Variants in NAA16 observed in about 807,000 individuals in gnomAD.
NAA16 encodes N-alpha-acetyltransferase 16, NatA auxiliary subunit.
In NAA16, 97 loss-of-function variants were observed where a neutral mutation model predicts 110.3. That is an observed-to-expected ratio of 0.88 (90% confidence interval 0.75 to 1.04). NAA16 has a LOEUF of 1.04. Ranked by LOEUF, NAA16 falls within the 50% of genes least tolerant of loss-of-function variation. The pLI, the probability that NAA16 is intolerant of heterozygous loss-of-function variation, is 0.00. For synonymous variants in NAA16, 372 were observed against 330.6 expected (o/e 1.13, Z -1.36); for missense variants, 1,017 against 1,005.1 (o/e 1.01, Z -0.16).
chr13:41,350,957 G>C (rs1392052844), intron 9 of NAA16, among the ~76,000 whole-genome samples: 1 of 152,068 alleles, frequency 6.6e-6, no homozygotes, highest in Admixed American at 6.6e-5. Context: ...TCTAAGAAGA[G>C]GTGTACATTG....
rs1443914257 is a variant in NAA16, at chr13:41,325,775, G to A, written c.615G>A (p.Leu205=). ...ATCAAGTGATGAGAGAGGCAGATCT[G>A]TTGCAGGAATCTTTGGAACATATAG... The part of the protein sequence containing the change: ...YQNQVMREAD[L]LQESLEHIEM... The change falls in exon 6 of 20, where the codon CTG becomes CTA. Residue 205 remains leucine, a synonymous_variant. Transcript: ENST00000379406. 6.2e-7 allele frequency: 1 copy of A among 1,606,364 alleles called. No homozygotes were observed. The highest frequency in any genetic ancestry group is 1.7e-5 in the Admixed American group (1 of 59,874).
chr13:41,324,664 G>A (rs6560976), intron 5 of NAA16, among the ~76,000 whole-genome samples: 11,189 of 151,094 alleles, frequency 0.074, 1,369 homozygotes, highest in African/African-American at 0.26. Context: ...GTGAGCCACC[G>A]TGCCCGGCCA....
rs1412274139 is a variant in NAA16, at chr13:41,347,209, C to T, written c.1015-7935C>T. Among the ~76,000 whole-genome samples the T allele has an allele frequency of 1.3e-4, 13 of 97,538 alleles. No individual in the cohort carries two copies. In the South Asian group the frequency reaches 3.3e-3, roughly 25 times the overall value. 64.0% of individuals were successfully genotyped at this position (97,538 alleles called of 152,430 possible). ...CCAGCGTGGCGACAGAGCGAGACTC[C>T]GTCTCAAAAAAAAAAAAACAAAAAC... On this transcript the variant is annotated intron_variant, in intron 9 of 19. Transcript: ENST00000379406.
At chr13:41,349,767 C>T (rs374454933) in intron 9 of NAA16, among the ~76,000 whole-genome samples, 1 of 151,772 alleles carries the variant, frequency 6.6e-6, no homozygotes, top group Non-Finnish European at 1.5e-5. Context: ...GAGTTCATGA[C>T]CAGCCTGACC....
In NAA16 at chr13:41,356,284, C is replaced by G. The variant is rs188239904; in HGVS notation, c.1087+1068C>G. Among the ~76,000 whole-genome samples, 4 of 152,304 alleles carry G rather than the reference C, an allele frequency of 2.6e-5. No individual in the cohort carries two copies. In the East Asian group the frequency reaches 7.7e-4, roughly 29 times the overall value. On this transcript the variant is annotated intron_variant, in intron 10 of 19. Transcript: ENST00000379406. ...TCTAGCAATCTGCCTGTCTCAGCCT[C>G]CGAAAGTGCTGGGATTACAGGTGTG...
At chr13:41,340,957 G>A (rs983275974) in intron 9 of NAA16, among the ~76,000 whole-genome samples, 3 of 152,126 alleles carry the variant, frequency 2.0e-5, no homozygotes, top group Admixed American at 6.5e-5. Context: ...GTGAGCCACC[G>A]CGCCCAGCTT....
At position 41,369,290 on chromosome 13, in the gene NAA16, TG is replaced by T. The variant is rs1236674607; in HGVS notation, c.1947+10del. 2.6e-6 allele frequency: 4 copies of T among 1,551,202 alleles called. No individual in the cohort carries two copies. The African/African-American group carries it at 4.2e-5, about 16-fold the overall frequency. On this transcript the variant is annotated splice_region_variant and intron_variant, in intron 15 of 19. Transcript: ENST00000379406. ...ACCTGAAAAATTAGAAAGGGTGAGA[TG>T]GGTTTTACTATCTTTGTTATTTGGT...
rs773170771 is a variant in NAA16 at position 41,311,481 on chromosome 13, C to T, written c.-48C>T. ...GCCCACCCCCGCGAAGCGGAGCGCCCGGGCACCTAGCCTCCCTGCCGGCCA... is the reference window on the plus strand; with the variant it reads ...GCCCACCCCCGCGAAGCGGAGCGCCTGGGCACCTAGCCTCCCTGCCGGCCA... On this transcript the variant is annotated 5_prime_UTR_variant, in exon 1 of 20. Transcript: ENST00000379406. 7 of 1,555,266 alleles carry T rather than the reference C, an allele frequency of 4.5e-6. No homozygotes were observed. Among genetic ancestry groups the T allele is most frequent in the South Asian group, 1.2e-5 (1 of 85,012 alleles).
chr13:41,326,234 A>G (rs1479530109), intron 6 of NAA16, among the ~76,000 whole-genome samples: 1 of 152,202 alleles, frequency 6.6e-6, no homozygotes, highest in Non-Finnish European at 1.5e-5. Context: ...TGGGATCATC[A>G]TGAACACAAA....
At chr13:41,368,372 C>G (rs1446229159) in intron 14 of NAA16, among the ~76,000 whole-genome samples, 1 of 152,118 alleles carries the variant, frequency 6.6e-6, no homozygotes, top group Admixed American at 6.6e-5. Context: ...TGTATTATCT[C>G]ACTTATTCTT....
At chr13:41,330,047 C>T (rs2042194640) in intron 7 of NAA16, among the ~76,000 whole-genome samples, 1 of 150,830 alleles carries the variant, frequency 6.6e-6, no homozygotes, top group Admixed American at 6.6e-5. Flanking sequence ...TCATACTTGG[C>T]GCTTGTTGTT....
intron 11 of NAA16, 112 bp from the exon 12 acceptor site, chr13:41,358,698 T>C: frequency 6.9e-7 from 1 of 1,449,298 alleles, no homozygotes; most frequent in Non-Finnish European, 9.1e-7. Context: ...TCTAAATAAA[T>C]TTGACAGAAA....
At chr13:41,368,996 C>G in intron 14 of NAA16, 94 bp from the exon 15 acceptor site, 2 of 1,101,304 alleles carry the variant, frequency 1.8e-6, no homozygotes, top group Non-Finnish European at 2.6e-6. Context: ...CCCACTGATA[C>G]CAAGGGACAA....
intron 11 of NAA16, 89 bp from the exon 12 acceptor site, chr13:41,358,721 T>A: frequency 6.8e-7 from 1 of 1,481,156 alleles, no homozygotes. Context: ...GTGACAGATT[T>A]CTTTTTTGTC....
intron 6 of NAA16, 86 bp from the exon 7 acceptor site, chr13:41,328,638 T>A: frequency 9.1e-7 from 1 of 1,104,624 alleles, no homozygotes; most frequent in Admixed American, 2.2e-5. Context: ...TTTAACCATC[T>A]GTTCACTGAT....
At chr13:41,328,592 A>G (rs1050568923) in intron 6 of NAA16, 132 bp from the exon 7 acceptor site, 6 of 698,728 alleles carry the variant, frequency 8.6e-6, no homozygotes, top group African/African-American at 5.4e-5. Context: ...ATGAACTGCA[A>G]CATGCCCAAA....
At chr13:41,365,897 A>G (rs1247950502) in intron 13 of NAA16, among the ~76,000 whole-genome samples, 1 of 152,144 alleles carries the variant, frequency 6.6e-6, no homozygotes, top group Non-Finnish European at 1.5e-5. Flanking sequence ...ATGTTTCTCA[A>G]CCTAAAAGAA....
rs568689208 is a variant in NAA16, at chr13:41,377,006, A to C, written c.*1404A>C. On this transcript the variant is annotated 3_prime_UTR_variant, in exon 20 of 20. Coordinates refer to ENST00000379406, the MANE Select transcript of NAA16 (RefSeq NM_024561.5). ...AAATAATGCCAACCTAGATAATGCT[A>C]TAATAAATTATTTTGTACACAGTTG... 1 of 152,202 alleles carries C rather than the reference A, an allele frequency of 6.6e-6. No individual in the cohort carries two copies. The highest frequency in any genetic ancestry group is 1.5e-5 in the Non-Finnish European group (1 of 68,020). The allele number at this position is 152,202 out of a possible 1,614,324, so 9.4% of individuals were successfully genotyped here. A position where few individuals can be genotyped will look rare whatever the true frequency, so the allele number is the denominator to read the frequency against.
At chr13:41,338,690 ATTTAT>A (rs1318748128) in intron 9 of NAA16, among the ~76,000 whole-genome samples, 3 of 152,078 alleles carry the variant, frequency 2.0e-5, no homozygotes, top group Non-Finnish European at 4.4e-5. Context: ...AGACCATTTT[ATTTAT>A]TTTATTTTTT....
Sources: allele counts gnomAD v4.1 joint callset (sites outside exome capture counted in the v4.1 genomes callset), GRCh38; gene constraint gnomAD v4.1.1; transcripts MANE v1.5; gene names NCBI Gene and HGNC (gene_info 2026-07-23, HGNC 2026-07-21).